EPM2A: variants seen among roughly 807,000 people sequenced by gnomAD.
EPM2A encodes the protein laforin.
A neutral mutation model predicts 26.5 loss-of-function variants in EPM2A; 21 were observed. The ratio of observed to expected loss-of-function variants is 0.79; its 90% CI spans 0.56 to 1.14. The LOEUF is 1.14. Ranked by LOEUF, EPM2A falls within the 50% of genes most tolerant of loss-of-function variation. The probability of loss-of-function intolerance (pLI) is 0.00; values close to 1 mark genes in which losing one functional copy is unlikely to be tolerated. For synonymous variants in EPM2A, 217 were observed against 177.6 expected (o/e 1.22, Z -1.76); for missense variants, 458 against 440.8 (o/e 1.04, Z -0.35).
At chr6:145,427,068 A>G (rs1778862476) in intron 4 of EPM2A, among the ~76,000 whole-genome samples, 1 of 152,222 alleles carries the variant, frequency 6.6e-6, no homozygotes. Context: ...ATGGAGTTCA[A>G]AGAAATTTAA....
At chr6:145,595,077 G>A (rs1458905065) in intron 2 of EPM2A, among the ~76,000 whole-genome samples, 2 of 150,964 alleles carry the variant, frequency 1.3e-5, no homozygotes, top group African/African-American at 2.4e-5. Context: ...TTTGTAATCT[G>A]GAATTCATTC....
At chr6:145,455,006 T>C (rs914208868) in intron 4 of EPM2A, among the ~76,000 whole-genome samples, 1 of 152,126 alleles carries the variant, frequency 6.6e-6, no homozygotes, top group Non-Finnish European at 1.5e-5. Context: ...TATATATGTG[T>C]GTGTACACAT....
intron 4 of EPM2A, among the ~76,000 whole-genome samples, chr6:145,455,010 T>C (rs1338043557): frequency 6.6e-6 from 1 of 152,138 alleles, no homozygotes; most frequent in Non-Finnish European, 1.5e-5. Context: ...TATGTGTGTG[T>C]ACACATATAT....
intron 2 of EPM2A, among the ~76,000 whole-genome samples, chr6:145,583,255 T>C (rs1484631667): frequency 6.6e-6 from 1 of 152,184 alleles, no homozygotes. Flanking sequence ...GCCAGATTTC[T>C]TGCATTAGTT....
intron 2 of EPM2A, among the ~76,000 whole-genome samples, chr6:145,649,727 T>C (rs950955700): frequency 2.0e-5 from 3 of 152,218 alleles, no homozygotes; most frequent in Non-Finnish European, 2.9e-5. Flanking sequence ...TAAAGTTTTA[T>C]TGGCACACAG....
At chr6:145,678,695 A>AT (rs771741117) in intron 2 of EPM2A, among the ~76,000 whole-genome samples, 37 of 152,322 alleles carry the variant, frequency 2.4e-4, no homozygotes, top group Non-Finnish European at 4.4e-4. Flanking sequence ...CAAAACCACA[A>AT]TGAGATACCA....
chr6:145,650,982 G>A (rs548430288), intron 2 of EPM2A, among the ~76,000 whole-genome samples: 16 of 152,194 alleles, frequency 1.1e-4, no homozygotes, highest in Non-Finnish European at 2.1e-4. Flanking sequence ...AAAATGGAAA[G>A]ACAAGGTGCA....
At chr6:145,526,768 G>A (rs1487201214) in intron 2 of EPM2A, among the ~76,000 whole-genome samples, 1 of 151,736 alleles carries the variant, frequency 6.6e-6, no homozygotes, top group Non-Finnish European at 1.5e-5. Flanking sequence ...TGCATTTTTG[G>A]TTCTCAATTT....
At chr6:145,512,679 C>A (rs1780071093) in intron 2 of EPM2A, among the ~76,000 whole-genome samples, 1 of 139,088 alleles carries the variant, frequency 7.2e-6, no homozygotes, top group East Asian at 2.2e-4. Flanking sequence ...CCACTGTACT[C>A]CAGCCCGGGC....
At chr6:145,388,884 G>A (rs1402552538) in intron 4 of EPM2A, among the ~76,000 whole-genome samples, 3 of 151,098 alleles carry the variant, frequency 2.0e-5, no homozygotes, top group African/African-American at 7.3e-5. Context: ...TGGTGTAGAT[G>A]TGCCACATTT....
intron 4 of EPM2A, among the ~76,000 whole-genome samples, chr6:145,394,029 T>C (rs6922956): frequency 0.05 from 7,604 of 151,960 alleles, 445 homozygotes; most frequent in African/African-American, 0.14. Flanking sequence ...TTCATCCTGT[T>C]AGCCAGGATG....
chr6:145,685,405 G>T (rs1583052194), intron 2 of EPM2A, among the ~76,000 whole-genome samples: 1 of 152,114 alleles, frequency 6.6e-6, no homozygotes, highest in South Asian at 2.1e-4. Flanking sequence ...GGACTGGAGT[G>T]GGGAGAGAGG....
Position 145,663,336 on chromosome 6 carries a change from C to T in EPM2A, c.476+22786G>A, listed in dbSNP as rs370848440. ...AGAAGACGGGTGATTTCTGCATTTCCATCTGAGGTACCGGGTTCATCTCAC... is the reference window on the plus strand; with the variant it reads ...AGAAGACGGGTGATTTCTGCATTTCTATCTGAGGTACCGGGTTCATCTCAC... On this transcript the variant is annotated intron_variant, in intron 2 of 3. Transcript: ENST00000367519. 9.8e-5 allele frequency among the ~76,000 whole-genome samples: 15 copies of T among 152,318 alleles called. 1 individual carries two copies. The highest frequency in any genetic ancestry group is 3.6e-4 in the African/African-American group (15 of 41,580).
chr6:145,505,790 T>C (rs1019195803), intron 2 of EPM2A, among the ~76,000 whole-genome samples: 1 of 152,220 alleles, frequency 6.6e-6, no homozygotes, highest in East Asian at 1.9e-4. Flanking sequence ...AAAATTATAA[T>C]GCATCACCAA....
At chr6:145,457,745 C>A (rs1509211) in intron 4 of EPM2A, among the ~76,000 whole-genome samples, 98,633 of 151,920 alleles carry the variant, frequency 0.65, 33,589 homozygotes, top group East Asian at 0.85. Flanking sequence ...TCCTGACTGC[C>A]AGATATGGGC....
At chr6:145,460,145 G>A (rs967007379) in intron 4 of EPM2A, among the ~76,000 whole-genome samples, 5 of 152,132 alleles carry the variant, frequency 3.3e-5, no homozygotes, top group African/African-American at 7.2e-5. Context: ...GTAAGGACTC[G>A]TTATCACCAT....
intron 2 of EPM2A, among the ~76,000 whole-genome samples, chr6:145,673,600 C>T (rs1562472640): frequency 1.3e-5 from 2 of 152,216 alleles, no homozygotes. Flanking sequence ...ATGGTCTTAG[C>T]AACCAGCAAA....
At chr6:145,603,206 C>A (rs543061983) in intron 2 of EPM2A, among the ~76,000 whole-genome samples, 1 of 151,842 alleles carries the variant, frequency 6.6e-6, no homozygotes, top group South Asian at 2.1e-4. Flanking sequence ...CTGGCTGTGA[C>A]ATCCCCAAAC....
intron 4 of EPM2A, among the ~76,000 whole-genome samples, chr6:145,410,126 A>G (rs146228679): frequency 3.3e-5 from 5 of 152,240 alleles, no homozygotes; most frequent in Non-Finnish European, 7.4e-5. Flanking sequence ...CAATAACACA[A>G]TCGGGTATCC....
Sources: gnomAD v4.1 joint callset for allele counts (sites outside exome capture counted in the v4.1 genomes callset) on GRCh38, gnomAD v4.1.1 for gene constraint, MANE v1.5 for transcripts, NCBI Gene and HGNC (gene_info 2026-07-23, HGNC 2026-07-21) for gene names.